Variants in GPM6A observed in about 807,000 individuals in gnomAD.
GPM6A encodes neuronal membrane glycoprotein M6-a.
Under a neutral mutation model 32.1 loss-of-function variants are expected in GPM6A, and 7 were observed. The ratio of observed to expected loss-of-function variants is 0.22; its 90% CI spans 0.12 to 0.41. The LOEUF (loss-of-function observed/expected upper bound fraction) is 0.41. Among genes scored for constraint, GPM6A ranks in the 10% least tolerant of loss-of-function variants. GPM6A has a pLI of 1.00. For synonymous variants in GPM6A, 130 were observed against 123.4 expected (o/e 1.05, Z -0.35); for missense variants, 235 against 347.2 (o/e 0.68, Z 2.57).
At chr4:175,904,498 T>C (rs1175991101) in intron 1 of GPM6A, among the ~76,000 whole-genome samples, 1 of 152,096 alleles carries the variant, frequency 6.6e-6, no homozygotes, top group Admixed American at 6.6e-5. Flanking sequence ...AATGCACACA[T>C]TTAAAGTAAA....
chr4:175,961,970 C>T (rs1740180252), intron 1 of GPM6A: 1 of 505,512 alleles, frequency 2.0e-6, no homozygotes, highest in Non-Finnish European at 3.6e-6. Context: ...AACCTTACCA[C>T]CACAGCAATA....
At chr4:175,638,875 G>A (rs1740967220) in intron 6 of GPM6A, among the ~76,000 whole-genome samples, 1 of 152,036 alleles carries the variant, frequency 6.6e-6, no homozygotes, top group African/African-American at 2.4e-5. Context: ...AATAATGTTT[G>A]GTATATCATT....
At chr4:175,885,871 C>T (rs1411302983) in intron 1 of GPM6A, among the ~76,000 whole-genome samples, 1 of 152,112 alleles carries the variant, frequency 6.6e-6, no homozygotes, top group Non-Finnish European at 1.5e-5. Flanking sequence ...TTGAGTTTTA[C>T]TGTTTTTTAA....
intron 1 of GPM6A, among the ~76,000 whole-genome samples, chr4:175,843,996 T>C (rs1736016920): frequency 6.6e-6 from 1 of 152,144 alleles, no homozygotes; most frequent in Admixed American, 6.6e-5. Flanking sequence ...TCCCCCACCT[T>C]TGATACATAA....
At chr4:175,762,072 G>T (rs905197357) in intron 1 of GPM6A, among the ~76,000 whole-genome samples, 4 of 152,166 alleles carry the variant, frequency 2.6e-5, no homozygotes, top group Non-Finnish European at 5.9e-5. Flanking sequence ...GGGATTATAG[G>T]CGAGAGCCAC....
chr4:175,653,108 T>A (rs768779273), intron 3 of GPM6A, among the ~76,000 whole-genome samples: 6 of 152,132 alleles, frequency 3.9e-5, no homozygotes, highest in African/African-American at 9.7e-5. Flanking sequence ...CAAGTCAAAC[T>A]TATTCAATAA....
At chr4:175,875,669 C>T (rs1039563968) in intron 1 of GPM6A, among the ~76,000 whole-genome samples, 1 of 152,120 alleles carries the variant, frequency 6.6e-6, no homozygotes, top group African/African-American at 2.4e-5. Context: ...CCTACAAATA[C>T]CATCTCATAT....
intron 1 of GPM6A, among the ~76,000 whole-genome samples, chr4:175,809,370 CT>C (rs778247897): frequency 6.6e-6 from 1 of 150,416 alleles, no homozygotes; most frequent in Non-Finnish European, 1.5e-5. Context: ...TCAAAACACT[CT>C]TTTCTTTTTT....
chr4:175,961,620 C>T lies in GPM6A; in HGVS notation c.-23+40689G>A, dbSNP rs73014096. On this transcript the variant is annotated intron_variant, in intron 1 of 7. Coordinates refer to the GPM6A transcript ENST00000280187. Reference sequence around the variant, plus strand: ...CTTCCTAGGAGGTCCCCACACTTTTCGGAGTTCTACCTTCAGGAGCCCTAC... The same window carrying T: ...CTTCCTAGGAGGTCCCCACACTTTTTGGAGTTCTACCTTCAGGAGCCCTAC... 9.8e-3 allele frequency among the ~76,000 whole-genome samples: 1,496 copies of T among 152,244 alleles called. 18 individuals are homozygous for T. Among genetic ancestry groups the T allele is most frequent in the African/African-American group, 0.034 (1,409 of 41,556 alleles).
At chr4:175,937,256 G>C (rs1009110370) in intron 1 of GPM6A, among the ~76,000 whole-genome samples, 8 of 152,036 alleles carry the variant, frequency 5.3e-5, no homozygotes, top group Non-Finnish European at 2.9e-5. Context: ...TTTCATTGTA[G>C]CATTCTTTGT....
At chr4:175,734,306 A>G (rs1001960811) in intron 1 of GPM6A, among the ~76,000 whole-genome samples, 3 of 152,080 alleles carry the variant, frequency 2.0e-5, no homozygotes, top group African/African-American at 7.2e-5. Flanking sequence ...AAGACCCTCA[A>G]TTAAATTGGC....
At chr4:175,646,077 T>C (rs544643934) in intron 4 of GPM6A, among the ~76,000 whole-genome samples, 20 of 152,310 alleles carry the variant, frequency 1.3e-4, no homozygotes, top group African/African-American at 4.8e-4. Flanking sequence ...AGGATGCTTC[T>C]GATTACATTG....
At chr4:175,972,274 T>C (rs1740527984) in intron 1 of GPM6A, among the ~76,000 whole-genome samples, 1 of 152,224 alleles carries the variant, frequency 6.6e-6, no homozygotes, top group African/African-American at 2.4e-5. Context: ...AATATTCCAG[T>C]GTATCTATAT....
At chr4:175,898,523 G>T (rs922800377) in intron 1 of GPM6A, among the ~76,000 whole-genome samples, 2 of 152,088 alleles carry the variant, frequency 1.3e-5, no homozygotes, top group Non-Finnish European at 2.9e-5. Flanking sequence ...GCCCAAGAAT[G>T]ACCTTGCAAA....
At chr4:175,687,284 T>C (rs949541679) in intron 2 of GPM6A, among the ~76,000 whole-genome samples, 2 of 152,164 alleles carry the variant, frequency 1.3e-5, no homozygotes, top group Admixed American at 6.5e-5. Context: ...AACGTTTTCA[T>C]CTTACAAGAC....
chr4:175,680,305 A>G (rs867406702), intron 2 of GPM6A, among the ~76,000 whole-genome samples: 1 of 152,206 alleles, frequency 6.6e-6, no homozygotes, highest in Non-Finnish European at 1.5e-5. Context: ...TCTTTCTTCC[A>G]TAATGAGAAT....
intron 1 of GPM6A, among the ~76,000 whole-genome samples, chr4:175,934,288 C>G (rs2877909): frequency 0.98 from 149,226 of 152,324 alleles, 73,184 homozygotes; most frequent in East Asian, 1. Context: ...TTGTAAACCA[C>G]TGATTCCCCA....
chr4:175,638,501 C>T (rs146445754), intron 6 of GPM6A, among the ~76,000 whole-genome samples: 462 of 152,150 alleles, frequency 3.0e-3, no homozygotes, highest in Middle Eastern at 0.017. Context: ...ATATGCAAAG[C>T]ATAGATTGCT....
chr4:175,983,157 G>A (rs1473787573), intron 1 of GPM6A, among the ~76,000 whole-genome samples: 1 of 152,106 alleles, frequency 6.6e-6, no homozygotes, highest in Non-Finnish European at 1.5e-5. Context: ...AACGAAGGAG[G>A]AAAGCTATGA....
Sources: allele counts gnomAD v4.1 joint callset (sites outside exome capture counted in the v4.1 genomes callset), GRCh38; gene constraint gnomAD v4.1.1; transcripts MANE v1.5; gene names NCBI Gene and HGNC (gene_info 2026-07-23, HGNC 2026-07-21).